Variants in SLC31A2 observed in about 807,000 individuals in gnomAD.
The protein encoded by SLC31A2 is protein SLC31A2.
Under a neutral mutation model 14.4 loss-of-function variants are expected in SLC31A2, and 16 were observed. The observed-to-expected ratio is 1.11, with a 90% CI of 0.75 to 1.69. SLC31A2 has a LOEUF of 1.69. SLC31A2 is among the 40% of genes most tolerant of loss of function. The pLI is 0.00. For missense variants in SLC31A2, 140 were observed against 173.9 expected, an observed-to-expected ratio of 0.81 and a Z score of 1.10; for synonymous variants, 56 against 68.7, an observed-to-expected ratio of 0.82 and a Z score of 0.91.
rs1829862250 is a variant in SLC31A2, at chr9:113,151,378, TGGG to T, written c.6+299_6+301del. On this transcript the variant is annotated intron_variant, in intron 1 of 3. Coordinates refer to ENST00000259392, the MANE Select transcript of SLC31A2 (RefSeq NM_001860.3). This position sits in a 1 kb window ranked among gnomAD's most constrained non-coding sequence, Gnocchi z 4.2. ...TGGGGGCGCGGTGGCTGAAGACAGC[TGGG>T]TCCGGGGCCCCCGGCCCCGGACCTC... 6.7e-6 allele frequency among the ~76,000 whole-genome samples: 1 copy of T among 150,300 alleles called. No homozygotes were observed.
chr9:113,155,005 A>G (rs895510687), intron 1 of SLC31A2, among the ~76,000 whole-genome samples: 2 of 152,096 alleles, frequency 1.3e-5, no homozygotes, highest in African/African-American at 4.8e-5. Context: ...ATTTCTTCCC[A>G]TATTTTGTTC....
At chr9:113,156,405 C>T (rs916524670) in intron 1 of SLC31A2, among the ~76,000 whole-genome samples, 4 of 152,308 alleles carry the variant, frequency 2.6e-5, no homozygotes, top group Admixed American at 1.3e-4. Context: ...TTTCTCTCCC[C>T]TCTCCACCCT....
rs557344720 is a variant in SLC31A2 at position 113,154,947 on chromosome 9, A to G, written c.7-2780A>G. On this transcript the variant is annotated intron_variant, in intron 1 of 3. Transcript: ENST00000259392. ...CATCCTTCGGGGGCTAAGCATGACT[A>G]TCCTAATTGCACAGAGGCTTTTTCT... Among the ~76,000 whole-genome samples, 16 of 152,312 alleles carry G rather than the reference A, an allele frequency of 1.1e-4. No individual in the cohort carries two copies. The South Asian group carries it at 3.3e-3, about 32-fold the overall frequency.
chr9:113,154,010 T>C lies in SLC31A2; in HGVS notation c.6+2930T>C, dbSNP rs571798254. ...TTTTTGAGACAGAGTCTTACTCTAT[T>C]ACTCAGGCTGGAGTGCAGTGGCATG... On this transcript the variant is annotated intron_variant, in intron 1 of 3. Transcript: ENST00000259392. 5.9e-5 allele frequency among the ~76,000 whole-genome samples: 9 copies of C among 152,260 alleles called. 1 individual carries two copies. In the South Asian group the frequency reaches 1.7e-3, roughly 28 times the overall value.
chr9:113,151,098 C>T lies in SLC31A2; in HGVS notation c.6+18C>T, dbSNP rs1411470203. The stretch of plus-strand genomic sequence containing the variant: ...CCATGGCGGTAAGGGCCGGGCGCTA[C>T]GGTGAAGAGGGTGGGCGGTTGGGGC... On this transcript the variant is annotated intron_variant, in intron 1 of 3. Coordinates refer to ENST00000259392, the MANE Select transcript of SLC31A2 (RefSeq NM_001860.3). This position sits in a 1 kb window ranked among gnomAD's most constrained non-coding sequence, Gnocchi z 4.2. 1.5e-6 allele frequency: 2 copies of T among 1,302,882 alleles called. No individual in the cohort carries two copies. Among genetic ancestry groups the T allele is most frequent in the African/African-American group, 1.5e-5 (1 of 66,098 alleles). The allele number at this position is 1,302,882 out of a possible 1,614,324, so 80.7% of individuals were successfully genotyped here. A position where few individuals can be genotyped will look rare whatever the true frequency, so the allele number is the denominator to read the frequency against.
rs890477894 is a variant in SLC31A2 at position 113,151,440 on chromosome 9, G to A, written c.6+360G>A. Among the ~76,000 whole-genome samples, 1 of 152,066 alleles carries A rather than the reference G, an allele frequency of 6.6e-6. No individual in the cohort carries two copies. The highest frequency in any genetic ancestry group is 2.4e-5 in the African/African-American group (1 of 41,426). On this transcript the variant is annotated intron_variant, in intron 1 of 3. Transcript: ENST00000259392. The surrounding 1 kb of genome is among the most constrained non-coding windows in gnomAD (Gnocchi z 4.2). ...GCCCCAGGGCGGAGAGCAGCGCCTT[G>A]GGAGATTCCAGGAAGGCTTCCACGA... is the stretch of plus-strand genomic sequence containing the variant.
At chr9:113,157,439 C>G (rs1829948631) in intron 1 of SLC31A2, among the ~76,000 whole-genome samples, 1 of 152,010 alleles carries the variant, frequency 6.6e-6, no homozygotes, top group Non-Finnish European at 1.5e-5. Flanking sequence ...CCCACATAGT[C>G]TGAGGACACT....
At position 113,154,070 on chromosome 9, in the gene SLC31A2, C is replaced by T. The variant is rs537528049; in HGVS notation, c.6+2990C>T. Among the ~76,000 whole-genome samples, 9 of 152,328 alleles carry T rather than the reference C, an allele frequency of 5.9e-5. No homozygotes were observed. The East Asian group carries it at 1.7e-3, about 29-fold the overall frequency. ...CACTGCAACCTCCACCTCCCGGGCTCAAGTGATCCTCCCACCTCAGCACCT... is the reference window on the plus strand; with the variant it reads ...CACTGCAACCTCCACCTCCCGGGCTTAAGTGATCCTCCCACCTCAGCACCT... On this transcript the variant is annotated intron_variant, in intron 1 of 3. Transcript: ENST00000259392.
rs745909518 is a variant in SLC31A2 at position 113,163,181 on chromosome 9, CAG to C, written c.*265_*266del. On this transcript the variant is annotated 3_prime_UTR_variant, in exon 4 of 4. Transcript: ENST00000259392. ...GTGACCAAAGGGAGAATGGAGATAA[CAG>C]GGGTGGCAGGGTTACTGAGCCCATG... The C allele has an allele frequency of 5.2e-5, 15 of 288,324 alleles. No homozygotes were observed. The highest frequency in any genetic ancestry group is 7.7e-5 in the Non-Finnish European group (12 of 155,730). 17.9% of individuals were successfully genotyped at this position (288,324 alleles called of 1,614,324 possible). A position where few individuals can be genotyped will look rare whatever the true frequency, so the allele number is the denominator to read the frequency against.
At position 113,157,709 on chromosome 9, in the gene SLC31A2, G is replaced by T; in HGVS notation, c.7-18G>T. 6.2e-7 allele frequency: 1 copy of T among 1,605,394 alleles called. No homozygotes were observed. The highest frequency in any genetic ancestry group is 8.5e-7 in the Non-Finnish European group (1 of 1,174,542). ...CACTGCCCTGTGCCCCTATGATGCA[G>T]ATTCCTTTCTCTTTCAGATGCATTT... On this transcript the variant is annotated intron_variant, in intron 1 of 3. Transcript: ENST00000259392.
rs377021076 is a variant in SLC31A2 at position 113,161,688 on chromosome 9, A to G, written c.253A>G (p.Thr85Ala). The G allele has an allele frequency of 8.7e-6, 14 of 1,613,946 alleles. No homozygotes were observed. The African/African-American group carries it at 1.9e-4, about 22-fold the overall frequency. Reference protein sequence around the residue: ...AGSDSFPVGRTHHRWYLCHFG... With the variant: ...AGSDSFPVGRAHHRWYLCHFG... ...CTCAGATTCATTCCCTGTTGGCAGA[A>G]CCCACCACAGGTACAGGCAGTGGGT... The change falls in exon 3 of 4, where the codon ACC becomes GCC. Residue 85 changes from threonine to alanine, a missense_variant. Coordinates refer to ENST00000259392, the MANE Select transcript of SLC31A2 (RefSeq NM_001860.3).
In SLC31A2 at chr9:113,158,706, C is replaced by T. The variant is rs145890264; in HGVS notation, c.73+913C>T. Among the ~76,000 whole-genome samples the T allele has an allele frequency of 6.6e-3, 1,002 of 152,228 alleles. 7 individuals carry two copies. The highest frequency in any genetic ancestry group is 0.012 in the Admixed American group (189 of 15,306). On this transcript the variant is annotated intron_variant, in intron 2 of 3. Transcript: ENST00000259392. The stretch of plus-strand genomic sequence containing the variant: ...GTGGCTAGATTCCAAGATCGAGTGT[C>T]GCAAGAGAACAAGGTAGAAGTACGT...
At chr9:113,155,855 G>A in intron 1 of SLC31A2, 1 of 315,574 alleles carries the variant, frequency 3.2e-6, no homozygotes, top group East Asian at 7.6e-5. Flanking sequence ...TTTTCCCCCA[G>A]CTCCCCTCGG....
intron 1 of SLC31A2, among the ~76,000 whole-genome samples, chr9:113,154,554 G>A (rs1405366589): frequency 6.6e-6 from 1 of 152,168 alleles, no homozygotes; most frequent in Non-Finnish European, 1.5e-5. Context: ...TCTGATTTAG[G>A]GGCCTGAGGA....
chr9:113,162,364 A>T (rs898492916), intron 3 of SLC31A2: 1 of 215,646 alleles, frequency 4.6e-6, no homozygotes, highest in Non-Finnish European at 9.2e-6. Flanking sequence ...GGAACTGATA[A>T]TGTCACCTAA....
At chr9:113,162,153 T>TA in intron 3 of SLC31A2, 1 of 326,822 alleles carries the variant, frequency 3.1e-6, no homozygotes, top group Non-Finnish European at 5.8e-6. Flanking sequence ...GGGTCCCTGT[T>TA]CTGCCCTCTG....
At chr9:113,162,144 G>A (rs1323688384) in intron 3 of SLC31A2, 2 of 330,452 alleles carry the variant, frequency 6.1e-6, no homozygotes, top group East Asian at 1.8e-4. Flanking sequence ...AACCATTTAG[G>A]GTCCCTGTTC....
chr9:113,151,387 GGCCCCCGGCCCCGGACCTCTGGCCGGC>G lies in SLC31A2; in HGVS notation c.6+313_6+339del, dbSNP rs547638633. Reference sequence around the variant, plus strand: ...GGTGGCTGAAGACAGCTGGGTCCGGGGCCCCCGGCCCCGGACCTCTGGCCGGCGCCCCAGGGCGGAGAGCAGCGCCTT... The same window carrying G: ...GGTGGCTGAAGACAGCTGGGTCCGGGGCCCCAGGGCGGAGAGCAGCGCCTT... On this transcript the variant is annotated intron_variant, in intron 1 of 3. Coordinates refer to ENST00000259392, the MANE Select transcript of SLC31A2 (RefSeq NM_001860.3). The surrounding 1 kb of genome is among the most constrained non-coding windows in gnomAD (Gnocchi z 4.2). Among the ~76,000 whole-genome samples the G allele has an allele frequency of 2.6e-4, 40 of 152,022 alleles. 1 individual carries two copies. In the South Asian group the frequency reaches 3.7e-3, roughly 14 times the overall value.
At chr9:113,161,747 G>A (rs757966403) in intron 3 of SLC31A2, 49 bp downstream of exon 3, 7 of 1,593,108 alleles carry the variant, frequency 4.4e-6, no homozygotes, top group Non-Finnish European at 6.0e-6. Context: ...CATTCACCCT[G>A]AGAGACAGGC....
Sources: allele counts gnomAD v4.1 joint callset (sites outside exome capture counted in the v4.1 genomes callset), GRCh38; gene constraint gnomAD v4.1.1; non-coding constraint Gnocchi (gnomAD v3.1); transcripts MANE v1.5; gene names NCBI Gene and HGNC (gene_info 2026-07-23, HGNC 2026-07-21).